Variants in CASR observed in about 807,000 individuals in gnomAD.
CASR encodes extracellular calcium-sensing receptor.
CASR carries 23 observed loss-of-function variants against 69.1 expected under a neutral mutation model. That is an observed-to-expected ratio of 0.33 (90% CI 0.24 to 0.47). The LOEUF (loss-of-function observed/expected upper bound fraction) is 0.47. Ranked by LOEUF, CASR falls within the 20% of genes least tolerant of loss-of-function variation. The pLI is 1.00. For missense variants in CASR, 924 were observed against 1,356.1 expected (o/e 0.68, Z 5.00); for synonymous variants, 541 against 544.7 (o/e 0.99, Z 0.10).
At chr3:122,226,629 A>T (rs1177256189) in intron 1 of CASR, among the ~76,000 whole-genome samples, 2 of 152,046 alleles carry the variant, frequency 1.3e-5, no homozygotes, top group African/African-American at 4.8e-5. Flanking sequence ...TAGATGCAAA[A>T]GTTCTCCATG....
intron 1 of CASR, among the ~76,000 whole-genome samples, chr3:122,185,324 C>T (rs1056173226): frequency 6.6e-6 from 1 of 152,140 alleles, no homozygotes; most frequent in African/African-American, 2.4e-5. Context: ...ATGATGTCAC[C>T]ACCACTGCCC....
At chr3:122,226,590 T>A (rs1052413250) in intron 1 of CASR, among the ~76,000 whole-genome samples, 1 of 152,200 alleles carries the variant, frequency 6.6e-6, no homozygotes, top group African/African-American at 2.4e-5. Flanking sequence ...TTTGACAGGG[T>A]GCTGATTGGT....
rs1252204729 is a variant in CASR at position 122,287,115 on chromosome 3, T to G, written c.*1924T>G. On this transcript the variant is annotated 3_prime_UTR_variant, in exon 7 of 7. Coordinates refer to ENST00000639785, the MANE Select transcript of CASR (RefSeq NM_000388.4). ...GCACCGAGCTGAGTGGGGATTTATA[T>G]TTAACATTTTACTTGGTCTTAAAAG... 1 of 152,216 alleles carries G rather than the reference T, an allele frequency of 6.6e-6. No individual in the cohort carries two copies. Among genetic ancestry groups the G allele is most frequent in the Non-Finnish European group, 1.5e-5 (1 of 68,046 alleles). 9.4% of individuals were successfully genotyped at this position (152,216 alleles called of 1,614,324 possible). A position where few individuals can be genotyped will look rare whatever the true frequency, so the allele number is the denominator to read the frequency against.
chr3:122,266,958 C>T (rs1270909751), intron 4 of CASR, among the ~76,000 whole-genome samples: 3 of 152,132 alleles, frequency 2.0e-5, no homozygotes, highest in South Asian at 2.1e-4. Context: ...GAGCCAAGAT[C>T]GCACCACTGC....
Position 122,241,985 on chromosome 3 carries a change from T to G in CASR, c.-242-11963T>G, listed in dbSNP as rs1487169686. Among the ~76,000 whole-genome samples, 3 of 152,238 alleles carry G rather than the reference T, an allele frequency of 2.0e-5. No homozygotes were observed. The East Asian group carries it at 5.8e-4, about 29-fold the overall frequency. Reference sequence around the variant, plus strand: ...GCATTGGATAAAGTTCAACATCACTTTATGATAAAAGCCCTCAAAAACCTG... The same window carrying G: ...GCATTGGATAAAGTTCAACATCACTGTATGATAAAAGCCCTCAAAAACCTG... On this transcript the variant is annotated intron_variant, in intron 1 of 6. Transcript: ENST00000639785.
intron 1 of CASR, among the ~76,000 whole-genome samples, chr3:122,192,705 GT>G (rs1251891576): frequency 2.0e-5 from 3 of 152,186 alleles, no homozygotes; most frequent in Non-Finnish European, 4.4e-5. Context: ...AAACTTTAAG[GT>G]GGGGAATATT....
intron 2 of CASR, among the ~76,000 whole-genome samples, chr3:122,254,805 CT>C (rs2074537832): frequency 6.6e-6 from 1 of 151,832 alleles, no homozygotes; most frequent in South Asian, 2.1e-4. Flanking sequence ...TCTTTTTTTT[CT>C]TTCTTTTTTT....
intron 1 of CASR, among the ~76,000 whole-genome samples, chr3:122,201,347 C>G (rs1022616630): frequency 2.6e-4 from 39 of 152,234 alleles, no homozygotes; most frequent in African/African-American, 9.4e-4. Flanking sequence ...GATCCCAAGG[C>G]AGAAGAACCT....
At chr3:122,250,025 A>T (rs2074466931) in intron 1 of CASR, among the ~76,000 whole-genome samples, 2 of 152,200 alleles carry the variant, frequency 1.3e-5, no homozygotes, top group African/African-American at 2.4e-5. Context: ...AGCAGAATAG[A>T]GGAAGCGGGG....
intron 1 of CASR, among the ~76,000 whole-genome samples, chr3:122,213,209 C>T (rs1428368382): frequency 6.6e-6 from 1 of 152,168 alleles, no homozygotes; most frequent in Non-Finnish European, 1.5e-5. Flanking sequence ...TCCATTGTTG[C>T]ACAGTCCTCA....
chr3:122,235,472 T>C (rs2074320454), intron 1 of CASR, among the ~76,000 whole-genome samples: 1 of 152,220 alleles, frequency 6.6e-6, no homozygotes, highest in Admixed American at 6.5e-5. Flanking sequence ...AGCAGTTATT[T>C]TGCAGGAGAA....
At chr3:122,245,238 A>G (rs1576845233) in intron 1 of CASR, 1 of 152,234 alleles carries the variant, frequency 6.6e-6, no homozygotes, top group Non-Finnish European at 1.5e-5. Flanking sequence ...ATGACAAGAA[A>G]AGAAGTCTGT....
Position 122,197,300 on chromosome 3 carries a change from T to G in CASR, c.-243+13488T>G, listed in dbSNP as rs1461106148. On this transcript the variant is annotated intron_variant, in intron 1 of 6. Coordinates refer to ENST00000639785, the MANE Select transcript of CASR (RefSeq NM_000388.4). ...TCCAGTGGGAAATTCATAACTTGTT[T>G]GAGCAAAGCAAGCTAACTAACTAAA... Among the ~76,000 whole-genome samples the G allele has an allele frequency of 2.6e-5, 4 of 152,202 alleles. No individual in the cohort carries two copies. The East Asian group carries it at 5.8e-4, about 22-fold the overall frequency.
intron 4 of CASR, among the ~76,000 whole-genome samples, chr3:122,275,137 T>C (rs1382084733): frequency 1.3e-5 from 2 of 152,222 alleles, no homozygotes; most frequent in Non-Finnish European, 2.9e-5. Flanking sequence ...GGTAGTAAAA[T>C]GACTGATATC....
rs115230894 is a variant in CASR at position 122,282,135 on chromosome 3, G to A, written c.1631G>A (p.Arg544Gln). ...SREVPFSNCS[R>Q]DCLAGTRKGI... ...CAGGTGCCCTTCTCCAACTGCAGCC[G>A]AGACTGCCTGGCAGGGACCAGGAAA... The change falls in exon 6 of 7, where the codon CGA (arginine) becomes CAA (glutamine). Residue 544 changes from arginine to glutamine, a missense_variant. By Grantham distance (43) the Arg-to-Gln change is conservative (BLOSUM62 1). Around this residue, in one of 8 missense-constraint regions of CASR, gnomAD observed 310 missense variants for 395.7 expected, o/e 0.78. Transcript: ENST00000639785. 1,989 of 1,614,208 alleles carry A rather than the reference G, an allele frequency of 1.2e-3. 2 individuals carry two copies. Among genetic ancestry groups the A allele is most frequent in the Non-Finnish European group, 1.4e-3 (1,686 of 1,180,032 alleles).
chr3:122,246,622 G>A lies in CASR; in HGVS notation c.-242-7326G>A, dbSNP rs532387092. On this transcript the variant is annotated intron_variant, in intron 1 of 6. Coordinates refer to ENST00000639785, the MANE Select transcript of CASR (RefSeq NM_000388.4). ...CGATGTGCTAGAACAGGCTTCTATC[G>A]GCGCTTGAGAGCCGATGGTTAAATA... The A allele has an allele frequency of 7.9e-5, 12 of 152,320 alleles. No individual in the cohort carries two copies. In the East Asian group the frequency reaches 1.5e-3, roughly 20 times the overall value. The allele number at this position is 152,320 out of a possible 1,614,324, so 9.4% of individuals were successfully genotyped here.
chr3:122,228,987 G>A (rs570166379), intron 1 of CASR, among the ~76,000 whole-genome samples: 1 of 152,174 alleles, frequency 6.6e-6, no homozygotes, highest in African/African-American at 2.4e-5. Context: ...TCTCAATCAT[G>A]TATTTACCAT....
chr3:122,183,685 A>G lies in CASR; in HGVS notation c.-370A>G, dbSNP rs1445646383. The G allele has an allele frequency of 6.6e-6, 1 of 152,206 alleles. No individual in the cohort carries two copies. The highest frequency in any genetic ancestry group is 1.5e-5 in the Non-Finnish European group (1 of 68,040). 9.4% of individuals were successfully genotyped at this position (152,206 alleles called of 1,614,324 possible). On this transcript the variant is annotated 5_prime_UTR_variant, in exon 1 of 7. Coordinates refer to ENST00000639785, the MANE Select transcript of CASR (RefSeq NM_000388.4). ...AGTCGGGTAGAGTAGACCAAGTGCAACAGGCACCTGGCTGCAGCCAGGAAG... is the reference window on the plus strand; with the variant it reads ...AGTCGGGTAGAGTAGACCAAGTGCAGCAGGCACCTGGCTGCAGCCAGGAAG...
Position 122,285,155 on chromosome 3 carries a change from A to G in CASR, c.3201A>G (p.Gly1067=), listed in dbSNP as rs146918302. Reference sequence around the variant, plus strand: ...CACAGAGCTTTGTCATCAGTGGTGGAGGCAGCACTGTTACAGAAAACGTAG... The same window carrying G: ...CACAGAGCTTTGTCATCAGTGGTGGGGGCAGCACTGTTACAGAAAACGTAG... ...SSSQSFVISG[G]GSTVTENVVN... Residue 1067 remains glycine (G), a synonymous_variant, in exon 7 of 7, where the codon GGA becomes GGG. Coordinates refer to ENST00000639785, the MANE Select transcript of CASR (RefSeq NM_000388.4). 2 of 1,614,120 alleles carry G rather than the reference A, an allele frequency of 1.2e-6. No homozygotes were observed. The highest frequency in any genetic ancestry group is 1.7e-6 in the Non-Finnish European group (2 of 1,180,012).
Sources: gnomAD v4.1 joint callset for allele counts (sites outside exome capture counted in the v4.1 genomes callset) on GRCh38, gnomAD v4.1.1 for gene constraint, gnomAD v4.1.1 regional missense constraint, MANE v1.5 for transcripts, NCBI Gene and HGNC (gene_info 2026-07-23, HGNC 2026-07-21) for gene names.